RTN4: variants seen among roughly 807,000 people sequenced by gnomAD.
RTN4 encodes the protein reticulon-4.
A neutral mutation model predicts 90.4 loss-of-function variants in RTN4; 32 were observed. The observed-to-expected ratio is 0.35, with a 90% CI of 0.27 to 0.48. RTN4 has a LOEUF of 0.48. Among genes scored for constraint, RTN4 ranks in the 20% least tolerant of loss-of-function variants. The pLI is 0.99. For missense variants in RTN4, 1,706 were observed against 1,430.2 expected, an observed-to-expected ratio of 1.19 and a Z score of -3.11; for synonymous variants, 629 against 552.5, an observed-to-expected ratio of 1.14 and a Z score of -1.94.
chr2:55,001,266 A>T (rs901543716), intron 3 of RTN4, among the ~76,000 whole-genome samples: 4 of 152,190 alleles, frequency 2.6e-5, no homozygotes, highest in African/African-American at 2.4e-5. Flanking sequence ...CGGCCTTTAC[A>T]ATTAAAATCG....
intron 3 of RTN4, 34 bp from the exon 4 acceptor site, chr2:54,987,732 G>T (rs1205700806): frequency 1.3e-6 from 2 of 1,521,906 alleles, no homozygotes; most frequent in East Asian, 2.4e-5. Flanking sequence ...AAATTAGAAT[G>T]TTATTTTATC....
At chr2:55,089,934 C>T (rs1002079614) in intron 1 of RTN4, among the ~76,000 whole-genome samples, 2 of 152,200 alleles carry the variant, frequency 1.3e-5, no homozygotes, top group African/African-American at 4.8e-5. Context: ...GACTGACTCC[C>T]CTCCCCTGGT....
intron 1 of RTN4, among the ~76,000 whole-genome samples, chr2:55,090,848 A>G (rs1668923026): frequency 3.3e-5 from 5 of 152,050 alleles, no homozygotes; most frequent in Admixed American, 3.3e-4. Flanking sequence ...CCAGCCCCAC[A>G]TCCACTCAGT....
the RTN4 span, among the ~76,000 whole-genome samples, chr2:55,125,569 C>A: frequency 6.6e-6 from 1 of 152,172 alleles, no homozygotes; most frequent in South Asian, 2.1e-4. Context: ...AGTTCGAGAC[C>A]AGCCTGGCCA....
chr2:55,088,965 T>C (rs1668890327), intron 1 of RTN4, among the ~76,000 whole-genome samples: 2 of 152,148 alleles, frequency 1.3e-5, no homozygotes, highest in Non-Finnish European at 2.9e-5. Flanking sequence ...GGAGTCTCGT[T>C]CTTGTTGCCC....
At chr2:54,982,101 C>G (rs1207241285) in intron 5 of RTN4, among the ~76,000 whole-genome samples, 2 of 151,978 alleles carry the variant, frequency 1.3e-5, no homozygotes, top group Middle Eastern at 6.8e-3. Flanking sequence ...GGATTACAGG[C>G]ATGCACCACC....
chr2:54,981,610 T>A (rs1678133518), intron 5 of RTN4, among the ~76,000 whole-genome samples: 1 of 152,224 alleles, frequency 6.6e-6, no homozygotes, highest in African/African-American at 2.4e-5. Context: ...ATTACACAAC[T>A]GTGGTTTAGT....
At position 55,070,695 on chromosome 2, in the gene RTN4, T is replaced by C. The variant is rs145106234; in HGVS notation, c.-63+9794A>G. 8.0e-3 allele frequency among the ~76,000 whole-genome samples: 1,220 copies of C among 152,222 alleles called. 13 individuals carry two copies. Among genetic ancestry groups the C allele is most frequent in the African/African-American group, 0.028 (1,167 of 41,540 alleles). ...GTTAAAAATCACCGGTCTATTATTA[T>C]CTCAGCATATAAAAATCTCCACTCC... On this transcript the variant is annotated intron_variant, in intron 2 of 3. Transcript: ENST00000427710.
intron 3 of RTN4, among the ~76,000 whole-genome samples, chr2:54,999,241 T>A (rs1249571720): frequency 6.6e-6 from 1 of 152,320 alleles, no homozygotes; most frequent in East Asian, 1.9e-4. Context: ...CACTTAAATC[T>A]TTTCTTTAAA....
chr2:55,082,245 G>C (rs1054288959), intron 1 of RTN4, among the ~76,000 whole-genome samples: 3 of 152,204 alleles, frequency 2.0e-5, no homozygotes, highest in African/African-American at 7.2e-5. Context: ...GTATTCACCT[G>C]ATGCTTTGGT....
At chr2:54,981,882 T>C (rs1386170607) in intron 5 of RTN4, among the ~76,000 whole-genome samples, 1 of 152,148 alleles carries the variant, frequency 6.6e-6, no homozygotes, top group Non-Finnish European at 1.5e-5. Flanking sequence ...ACGATCTTTA[T>C]GCTTATAGTC....
intron 1 of RTN4, among the ~76,000 whole-genome samples, chr2:55,090,791 T>C (rs939218331): frequency 3.3e-5 from 5 of 152,130 alleles, no homozygotes; most frequent in Non-Finnish European, 5.9e-5. Context: ...CAAACTCGGC[T>C]CCACCCCCTA....
At chr2:54,974,362 C>T (rs750117301) in intron 6 of RTN4, among the ~76,000 whole-genome samples, 2 of 152,246 alleles carry the variant, frequency 1.3e-5, no homozygotes, top group Non-Finnish European at 2.9e-5. Flanking sequence ...TCACTGCAAC[C>T]TCTGCCTCTT....
intron 1 of RTN4, among the ~76,000 whole-genome samples, chr2:55,083,703 G>A (rs1378715026): frequency 1.3e-5 from 2 of 152,154 alleles, no homozygotes. Flanking sequence ...CAAAACAGTT[G>A]ACCCAAGCCT....
chr2:54,995,289 A>T (rs531813697), intron 3 of RTN4, among the ~76,000 whole-genome samples: 37 of 152,244 alleles, frequency 2.4e-4, no homozygotes, highest in African/African-American at 8.7e-4. Context: ...TCTACTATTA[A>T]ACACTGAAAT....
intron 1 of RTN4, among the ~76,000 whole-genome samples, chr2:55,103,909 G>A (rs1054204139): frequency 2.0e-5 from 3 of 152,008 alleles, no homozygotes; most frequent in African/African-American, 7.3e-5. Context: ...TGGCCAGGCT[G>A]GTCTCAAACT....
intron 1 of RTN4, among the ~76,000 whole-genome samples, chr2:55,031,142 C>G (rs1480284412): frequency 6.6e-6 from 1 of 152,192 alleles, no homozygotes; most frequent in Non-Finnish European, 1.5e-5. Flanking sequence ...CTGCTTCTGG[C>G]TATGAGAGTA....
intron 1 of RTN4, among the ~76,000 whole-genome samples, chr2:55,083,884 T>G (rs1202010755): frequency 6.6e-6 from 1 of 152,178 alleles, no homozygotes. Context: ...AATTGCTAGG[T>G]GCATTCTTTG....
chr2:55,104,916 C>T (rs1372330164), intron 1 of RTN4, among the ~76,000 whole-genome samples: 1 of 151,814 alleles, frequency 6.6e-6, no homozygotes, highest in African/African-American at 2.4e-5. Flanking sequence ...AAGCGATCTC[C>T]CCACCTCAGC....
Sources: allele counts gnomAD v4.1 joint callset (sites outside exome capture counted in the v4.1 genomes callset), GRCh38; gene constraint gnomAD v4.1.1; transcripts MANE v1.5; gene names NCBI Gene and HGNC (gene_info 2026-07-23, HGNC 2026-07-21).